RAB29: variants seen among roughly 807,000 people sequenced by gnomAD.
RAB29 encodes RAB29, member RAS oncogene family.
In RAB29, 13 loss-of-function variants were observed where a neutral mutation model predicts 25.5. The observed-to-expected ratio is 0.51, with a 90% CI of 0.33 to 0.81. RAB29 has a LOEUF of 0.81. Among genes scored for constraint, RAB29 ranks in the 30% least tolerant of loss-of-function variants. The pLI, the probability that RAB29 is intolerant of heterozygous loss-of-function variation, is 0.02. For missense variants in RAB29, 201 were observed against 254.9 expected (o/e 0.79, Z 1.44); for synonymous variants, 88 against 95.0 (o/e 0.93, Z 0.43).
intron 4 of RAB29, 63 bp from the exon 5 acceptor site, chr1:205,770,917 C>G: frequency 6.3e-7 from 1 of 1,577,720 alleles, no homozygotes; most frequent in Non-Finnish European, 8.7e-7. Flanking sequence ...AAGAATATGG[C>G]TCAGATACTG....
chr1:205,770,982 T>C (rs1023703542), intron 4 of RAB29, 128 bp from the exon 5 acceptor site: 12 of 1,253,506 alleles, frequency 9.6e-6, no homozygotes, highest in Admixed American at 8.7e-5. Context: ...CGGAAATCTA[T>C]AATCAACATT....
intron 5 of RAB29, 85 bp downstream of exon 5, chr1:205,770,648 T>C (rs779405697): frequency 6.7e-5 from 106 of 1,589,082 alleles, no homozygotes; most frequent in Middle Eastern, 3.5e-4. Flanking sequence ...TCTGTCATTG[T>C]TGGCTCAGAA....
rs1210978758 is a variant in RAB29 at position 205,770,846 on chromosome 1, C to G, written c.387G>C (p.Leu129=). Residue 129 remains leucine, a synonymous_variant, in exon 5 of 6, where the codon CTG becomes CTC. Transcript: ENST00000367139. ...GGTCCCGGCTCACTGCCCAAGGGGA[C>G]AGATCACACTAGCAAAGAGAAAAAA... ...PCLLLANKCD[L]SPWAVSRDQI... 3 of 1,614,098 alleles carry G rather than the reference C, an allele frequency of 1.9e-6. No individual in the cohort carries two copies. Among genetic ancestry groups the G allele is most frequent in the Non-Finnish European group, 2.5e-6 (3 of 1,180,016 alleles).
intron 3 of RAB29, 64 bp downstream of exon 3, chr1:205,772,432 C>T (rs1655076749): frequency 1.3e-6 from 2 of 1,528,112 alleles, no homozygotes; most frequent in East Asian, 2.3e-5. Context: ...CCCATTTTTT[C>T]CTCAGAGCTT....
At chr1:205,772,460 T>C in intron 3 of RAB29, 36 bp downstream of exon 3, 1 of 1,592,922 alleles carries the variant, frequency 6.3e-7, no homozygotes, top group Non-Finnish European at 8.6e-7. Context: ...AAATCAAAAT[T>C]TCTTCCCTTG....
chr1:205,771,432 G>C, intron 4 of RAB29, 40 bp downstream of exon 4: 2 of 1,601,112 alleles, frequency 1.2e-6, no homozygotes, highest in Non-Finnish European at 1.7e-6. Flanking sequence ...TCTAACCACA[G>C]ATAGAGGCTA....
intron 2 of RAB29, among the ~76,000 whole-genome samples, chr1:205,773,632 C>A (rs1342544439): frequency 6.6e-6 from 1 of 152,106 alleles, no homozygotes; most frequent in East Asian, 1.9e-4. Context: ...GCAATCCTCT[C>A]GTCTCAGTTT....
At chr1:205,772,916 G>T (rs1418772180) in intron 2 of RAB29, among the ~76,000 whole-genome samples, 1 of 151,534 alleles carries the variant, frequency 6.6e-6, no homozygotes, top group African/African-American at 2.4e-5. Context: ...CAGGGAAGGG[G>T]TGATGGGGGA....
chr1:205,775,234 G>A lies in RAB29; in HGVS notation c.-131+39C>T, dbSNP rs1571625166. 11 of 384,870 alleles carry A rather than the reference G, an allele frequency of 2.9e-5. No individual in the cohort carries two copies. The East Asian group carries it at 6.9e-4, about 24-fold the overall frequency. 23.8% of individuals were successfully genotyped at this position (384,870 alleles called of 1,614,324 possible). A position where few individuals can be genotyped will look rare whatever the true frequency, so the allele number is the denominator to read the frequency against. ...TTCCCCACCCCCTCCTGGCCTGACT[G>A]CCGAGAAACTGGACCAGGCGCCGCG... On this transcript the variant is annotated intron_variant, in intron 1 of 5. Transcript: ENST00000367139.
chr1:205,774,135 G>C (rs1655172575), intron 2 of RAB29, among the ~76,000 whole-genome samples: 1 of 152,226 alleles, frequency 6.6e-6, no homozygotes, highest in South Asian at 2.1e-4. Flanking sequence ...GAGGAAAAAA[G>C]TGGTGGGAAG....
rs1392369297 is a variant in RAB29, at chr1:205,768,181, AAAT to A, written c.*2158_*2160del. On this transcript the variant is annotated 3_prime_UTR_variant, in exon 6 of 6. Transcript: ENST00000367139. The stretch of plus-strand genomic sequence containing the variant: ...AGGTTTCAGAAGACTGTGCAAGTTA[AAAT>A]AATTGGCATTAAAACGACACACAAC... The A allele has an allele frequency of 2.0e-5, 3 of 152,240 alleles. No individual in the cohort carries two copies. The highest frequency in any genetic ancestry group is 7.2e-5 in the African/African-American group (3 of 41,470). The allele number at this position is 152,240 out of a possible 1,614,324, so 9.4% of individuals were successfully genotyped here.
chr1:205,774,790 C>CCGCCGG, intron 2 of RAB29, 43 bp downstream of exon 2: 2 of 1,340,638 alleles, frequency 1.5e-6, no homozygotes, highest in Non-Finnish European at 2.1e-6. Context: ...GCGGTCGGGG[C>CCGCCGG]CTCCTCCTCC....
chr1:205,772,352 A>G (rs2102478035), intron 3 of RAB29, 144 bp downstream of exon 3: 1 of 861,054 alleles, frequency 1.2e-6, no homozygotes, highest in Non-Finnish European at 2.0e-6. Context: ...CTCTGCACCT[A>G]TTCAGCTCAT....
chr1:205,773,932 G>A (rs138059190), intron 2 of RAB29, among the ~76,000 whole-genome samples: 1 of 152,184 alleles, frequency 6.6e-6, no homozygotes, highest in Non-Finnish European at 1.5e-5. Flanking sequence ...TTCCCCCCTT[G>A]AAACAAGTTC....
At chr1:205,770,679 G>C in intron 5 of RAB29, 54 bp downstream of exon 5, 1 of 1,611,558 alleles carries the variant, frequency 6.2e-7, no homozygotes, top group Non-Finnish European at 8.5e-7. Flanking sequence ...AGGGTCCACA[G>C]GGCCACAGTG....
chr1:205,771,719 G>A, intron 3 of RAB29, 66 bp from the exon 4 acceptor site: 1 of 1,487,658 alleles, frequency 6.7e-7, no homozygotes, highest in South Asian at 1.1e-5. Context: ...CCTTGTAGAA[G>A]AGGGCAGTAA....
At chr1:205,770,526 A>G in intron 5 of RAB29, 73 bp from the exon 6 acceptor site, 2 of 1,443,392 alleles carry the variant, frequency 1.4e-6, no homozygotes, top group East Asian at 4.7e-5. Context: ...AGTCTGACTT[A>G]TCATCAGAGA....
chr1:205,770,343 TAGCAGCAGGACC>T lies in RAB29; in HGVS notation c.599_610del (p.Trp200_Cys203del). The T allele has an allele frequency of 6.2e-7, 1 of 1,612,098 alleles. No individual in the cohort carries two copies. The highest frequency in any genetic ancestry group is 8.5e-7 in the Non-Finnish European group (1 of 1,178,148). ...GGATGGAAAATAAGCCAAACACTAC[TAGCAGCAGGACC>T]AGCTGGAGGACTTGGTTTGTAGATT... On this transcript the variant is annotated inframe_deletion, in exon 6 of 6. Transcript: ENST00000367139.
intron 2 of RAB29, 32 bp downstream of exon 2, chr1:205,774,798 TCCC>T: frequency 1.5e-6 from 1 of 658,510 alleles, no homozygotes; most frequent in Non-Finnish European, 2.6e-6. Flanking sequence ...GGCCTCCTCC[TCCC>T]CCTCCCCCTC....
Sources: allele counts gnomAD v4.1 joint callset (sites outside exome capture counted in the v4.1 genomes callset), GRCh38; gene constraint gnomAD v4.1.1; transcripts MANE v1.5; gene names NCBI Gene and HGNC (gene_info 2026-07-23, HGNC 2026-07-21).